The following WDFY1 variants were observed in gnomAD, a reference collection of about 807,000 sequenced individuals.
WDFY1 encodes the protein WD repeat and FYVE domain-containing protein 1.
WDFY1 carries 32 observed loss-of-function variants against 56.4 expected under a neutral mutation model. The observed-to-expected ratio is 0.57, with a 90% CI of 0.43 to 0.76. The LOEUF (loss-of-function observed/expected upper bound fraction) is 0.76, where lower values mean the gene tolerates loss of function less well. Among genes scored for constraint, WDFY1 ranks in the 30% least tolerant of loss-of-function variants. WDFY1 has a pLI of 0.00. For synonymous variants in WDFY1, 192 were observed against 197.3 expected (o/e 0.97, Z 0.23); for missense variants, 480 against 545.7 (o/e 0.88, Z 1.20).
intron 8 of WDFY1, among the ~76,000 whole-genome samples, chr2:223,891,223 A>T (rs1162762020): frequency 6.6e-6 from 1 of 151,906 alleles, no homozygotes; most frequent in Non-Finnish European, 1.5e-5. Flanking sequence ...TAAAAATATA[A>T]AATATTAGCC....
intron 1 of WDFY1, among the ~76,000 whole-genome samples, chr2:223,920,912 G>A (rs1693875701): frequency 6.6e-6 from 1 of 152,164 alleles, no homozygotes; most frequent in Non-Finnish European, 1.5e-5. Context: ...ACAGGACTGC[G>A]GACCAGTGGG....
At chr2:223,935,030 T>TCGG (rs1694145697) in intron 1 of WDFY1, among the ~76,000 whole-genome samples, 1 of 152,124 alleles carries the variant, frequency 6.6e-6, no homozygotes, top group Non-Finnish European at 1.5e-5. Flanking sequence ...GAAGAGGGTT[T>TCGG]CGGCGAGGGA....
chr2:223,881,525 C>T (rs1016855795), intron 10 of WDFY1, among the ~76,000 whole-genome samples: 5 of 152,122 alleles, frequency 3.3e-5, no homozygotes, highest in African/African-American at 1.2e-4. Flanking sequence ...CACGGTGGCT[C>T]GCGCCTGTAA....
rs548388076 is a variant in WDFY1, at chr2:223,912,633, T to C, written c.206-307A>G. ...GGCAAGCCTTGGGGACCAGTGCTTGTAGTGTGTGACCTGCTGCCCAAAAGC... is the reference window on the plus strand; with the variant it reads ...GGCAAGCCTTGGGGACCAGTGCTTGCAGTGTGTGACCTGCTGCCCAAAAGC... On this transcript the variant is annotated intron_variant, in intron 2 of 11. Transcript: ENST00000233055. 3.7e-4 allele frequency among the ~76,000 whole-genome samples: 57 copies of C among 152,276 alleles called. 1 individual carries two copies. Among genetic ancestry groups the C allele is most frequent in the African/African-American group, 1.3e-3 (56 of 41,556 alleles).
rs1225982138 is a variant in WDFY1 at position 223,878,425 on chromosome 2, G to A, written c.*246C>T. On this transcript the variant is annotated 3_prime_UTR_variant, in exon 12 of 12. Coordinates refer to ENST00000233055, the MANE Select transcript of WDFY1 (RefSeq NM_020830.5). ...TTTCACTACACATTAGCTGTTCATGGGGAAGTTTTGCTGAAGTAATTCCAG... is the reference window on the plus strand; with the variant it reads ...TTTCACTACACATTAGCTGTTCATGAGGAAGTTTTGCTGAAGTAATTCCAG... 7 of 408,750 alleles carry A rather than the reference G, an allele frequency of 1.7e-5. No individual in the cohort carries two copies. The highest frequency in any genetic ancestry group is 1.2e-4 in the African/African-American group (6 of 48,554). 25.3% of individuals were successfully genotyped at this position (408,750 alleles called of 1,614,324 possible).
chr2:223,941,818 A>T (rs780756516), intron 1 of WDFY1, among the ~76,000 whole-genome samples: 10 of 152,234 alleles, frequency 6.6e-5, no homozygotes, highest in Non-Finnish European at 1.3e-4. Flanking sequence ...ATGAGTGAAG[A>T]ACGTGACACG....
chr2:223,893,710 A>C (rs1693316218), intron 8 of WDFY1, among the ~76,000 whole-genome samples: 2 of 152,230 alleles, frequency 1.3e-5, no homozygotes, highest in Non-Finnish European at 2.9e-5. Flanking sequence ...GGCCGAACCA[A>C]GTTAGAAATT....
intron 10 of WDFY1, 102 bp from the exon 11 acceptor site, chr2:223,880,334 C>T: frequency 1.0e-6 from 1 of 1,004,430 alleles, no homozygotes; most frequent in Non-Finnish European, 1.5e-6. Flanking sequence ...TGGCCAGGTG[C>T]AGTGGCTCAT....
chr2:223,899,579 T>C (rs1693466933), intron 5 of WDFY1, among the ~76,000 whole-genome samples: 1 of 152,080 alleles, frequency 6.6e-6, no homozygotes. Context: ...ACCCCGTCTC[T>C]ACTAAAAACA....
chr2:223,940,275 T>G (rs1207085397), intron 1 of WDFY1, among the ~76,000 whole-genome samples: 3 of 152,130 alleles, frequency 2.0e-5, no homozygotes, highest in African/African-American at 7.2e-5. Context: ...GCCAAGATCA[T>G]GCCACTGTGA....
intron 2 of WDFY1, among the ~76,000 whole-genome samples, chr2:223,914,911 G>C (rs1057121020): frequency 3.7e-4 from 56 of 152,156 alleles, no homozygotes; most frequent in African/African-American, 1.3e-3. Flanking sequence ...CAATTGGACT[G>C]CATATAGCAA....
Position 223,901,327 on chromosome 2 carries a change from T to C in WDFY1, c.341A>G (p.Gln114Arg), listed in dbSNP as rs1173931845. The C allele has an allele frequency of 6.2e-7, 1 of 1,614,100 alleles. No homozygotes were observed. Among genetic ancestry groups the C allele is most frequent in the South Asian group, 1.1e-5 (1 of 91,080 alleles). Residue 114 changes from glutamine to arginine, a missense_variant, in exon 5 of 12, where the codon CAG (glutamine) becomes CGG (arginine). Transcript: ENST00000233055. The part of the protein sequence containing the change: ...MNFIKTYPAH[Q>R]NRVSAIIFSL... ...GAAGATAATCGCAGACACCCGGTTCTGATGAGCTGCAGGAACAGAAAGGTG... is the reference window on the plus strand; with the variant it reads ...GAAGATAATCGCAGACACCCGGTTCCGATGAGCTGCAGGAACAGAAAGGTG...
chr2:223,916,212 A>G (rs1693784782), intron 2 of WDFY1, among the ~76,000 whole-genome samples: 1 of 152,204 alleles, frequency 6.6e-6, no homozygotes, highest in Admixed American at 6.5e-5. Flanking sequence ...AAAAATCCTA[A>G]TAAACTACTA....
chr2:223,908,869 C>G (rs950716481), intron 3 of WDFY1, among the ~76,000 whole-genome samples: 4 of 152,180 alleles, frequency 2.6e-5, no homozygotes, highest in Non-Finnish European at 4.4e-5. Context: ...TAAAGCTGCT[C>G]CCTATTTCAA....
chr2:223,889,127 C>T lies in WDFY1; in HGVS notation c.832-4378G>A, dbSNP rs139995008. 3.7e-3 allele frequency among the ~76,000 whole-genome samples: 562 copies of T among 152,214 alleles called. 5 individuals carry two copies. The highest frequency in any genetic ancestry group is 0.013 in the African/African-American group (539 of 41,540). ...CCATGTTGGCCAGGCTGGTCTCGAA[C>T]TCCTGACCTCAGGGGATTCACCTGT... On this transcript the variant is annotated intron_variant, in intron 8 of 11. Coordinates refer to ENST00000233055, the MANE Select transcript of WDFY1 (RefSeq NM_020830.5).
intron 8 of WDFY1, among the ~76,000 whole-genome samples, chr2:223,886,979 G>A (rs938349745): frequency 5.3e-5 from 8 of 151,794 alleles, no homozygotes; most frequent in African/African-American, 1.9e-4. Flanking sequence ...TTTTTTTGAG[G>A]TGGGGGTGCA....
At chr2:223,885,463 C>G (rs1055912317) in intron 8 of WDFY1, among the ~76,000 whole-genome samples, 1 of 152,134 alleles carries the variant, frequency 6.6e-6, no homozygotes, top group Admixed American at 6.5e-5. Flanking sequence ...CCACAAAGCA[C>G]TGGGATTACA....
chr2:223,888,234 A>C (rs899215326), intron 8 of WDFY1, among the ~76,000 whole-genome samples: 2 of 152,012 alleles, frequency 1.3e-5, no homozygotes, highest in South Asian at 4.1e-4. Context: ...GATATGTACC[A>C]CCACACCCAG....
intron 1 of WDFY1, among the ~76,000 whole-genome samples, chr2:223,944,930 G>A (rs1177298129): frequency 6.6e-6 from 1 of 151,978 alleles, no homozygotes; most frequent in Non-Finnish European, 1.5e-5. Flanking sequence ...GAGGGGCGCG[G>A]CGAGACCGGG....
Sources: gnomAD v4.1 joint callset for allele counts (sites outside exome capture counted in the v4.1 genomes callset) on GRCh38, gnomAD v4.1.1 for gene constraint, MANE v1.5 for transcripts, NCBI Gene and HGNC (gene_info 2026-07-23, HGNC 2026-07-21) for gene names.